Variants in RASGRF2 observed in about 807,000 individuals in gnomAD.
The protein encoded by RASGRF2 is ras-specific guanine nucleotide-releasing factor 2.
RASGRF2 carries 76 observed loss-of-function variants against 151.0 expected under a neutral mutation model. The observed-to-expected ratio is 0.50, with a 90% CI of 0.42 to 0.61. The LOEUF is 0.61. Ranked by LOEUF, RASGRF2 falls within the 20% of genes least tolerant of loss-of-function variation. RASGRF2 has a pLI of 0.00. For missense variants in RASGRF2, 1,148 were observed against 1,564.6 expected (o/e 0.73, Z 4.49); for synonymous variants, 504 against 566.5 (o/e 0.89, Z 1.57).
rs185061128 is a variant in RASGRF2 at position 81,073,632 on chromosome 5, T to A, written c.887+180T>A. Among the ~76,000 whole-genome samples the A allele has an allele frequency of 5.1e-3, 772 of 152,246 alleles. 6 individuals are homozygous for A. Among genetic ancestry groups the A allele is most frequent in the African/African-American group, 0.016 (674 of 41,554 alleles). On this transcript the variant is annotated intron_variant, in intron 5 of 26. Transcript: ENST00000265080. ...TTTATTTTATTTTATTTATTTATTTTTTTTGAGATGGAGTCTTGCTCTGTC... is the reference window on the plus strand; with the variant it reads ...TTTATTTTATTTTATTTATTTATTTATTTTGAGATGGAGTCTTGCTCTGTC...
At chr5:81,147,549 A>G (rs1754034129) in intron 17 of RASGRF2, among the ~76,000 whole-genome samples, 1 of 152,212 alleles carries the variant, frequency 6.6e-6, no homozygotes, top group Non-Finnish European at 1.5e-5. Context: ...AACTAGCCTA[A>G]CTGAAATCGA....
At position 80,989,021 on chromosome 5, in the gene RASGRF2, A is replaced by T. The variant is rs112835387; in HGVS notation, c.288+27995A>T. 8.7e-3 allele frequency among the ~76,000 whole-genome samples: 1,326 copies of T among 151,798 alleles called. 29 individuals carry two copies. The highest frequency in any genetic ancestry group is 0.031 in the African/African-American group (1,264 of 41,336). ...TAGACAGAGTCTCGCTCTGTCGCCCAGGTTGGTGTGCAGTGGTGCAATCTT... is the reference window on the plus strand; with the variant it reads ...TAGACAGAGTCTCGCTCTGTCGCCCTGGTTGGTGTGCAGTGGTGCAATCTT... On this transcript the variant is annotated intron_variant, in intron 1 of 26. Coordinates refer to ENST00000265080, the MANE Select transcript of RASGRF2 (RefSeq NM_006909.3).
chr5:81,036,188 C>G (rs1023147440), intron 1 of RASGRF2, among the ~76,000 whole-genome samples: 71 of 152,174 alleles, frequency 4.7e-4, no homozygotes, highest in African/African-American at 1.7e-3. Context: ...TACTTACCTT[C>G]ATATTTTAAA....
chr5:81,134,719 T>C lies in RASGRF2; in HGVS notation c.2686+7556T>C, dbSNP rs186814164. The stretch of plus-strand genomic sequence containing the variant: ...ATATTACTTGTAGTAGACTATACAG[T>C]AGATGAAAAACCTAAATTTGAATCT... On this transcript the variant is annotated intron_variant, in intron 17 of 26. Coordinates refer to ENST00000265080, the MANE Select transcript of RASGRF2 (RefSeq NM_006909.3). 1.5e-4 allele frequency among the ~76,000 whole-genome samples: 23 copies of C among 152,324 alleles called. No homozygotes were observed. In the East Asian group the frequency reaches 4.0e-3, roughly 27 times the overall value.
intron 5 of RASGRF2, 94 bp from the exon 6 acceptor site, chr5:81,080,027 A>G: frequency 2.1e-6 from 3 of 1,447,614 alleles, no homozygotes; most frequent in Non-Finnish European, 1.8e-6. Flanking sequence ...GGACATATAT[A>G]TTATGTATAT....
chr5:81,170,141 T>TCACCTGCAC (rs1303211714), intron 17 of RASGRF2, among the ~76,000 whole-genome samples: 51 of 145,206 alleles, frequency 3.5e-4, no homozygotes, highest in African/African-American at 1.3e-3. Flanking sequence ...ACCACCTGCA[T>TCACCTGCAC]CACCTGCACC....
intron 4 of RASGRF2, 132 bp from the exon 5 acceptor site, chr5:81,073,067 G>A (rs1205694180): frequency 1.8e-6 from 2 of 1,132,446 alleles, no homozygotes; most frequent in East Asian, 5.1e-5. Context: ...ATCATCCCTA[G>A]GGAATCCTTA....
chr5:81,107,196 CA>C (rs35987554), intron 12 of RASGRF2, among the ~76,000 whole-genome samples: 118 of 94,284 alleles, frequency 1.3e-3, no homozygotes, highest in Admixed American at 1.4e-3. Flanking sequence ...CCTGTCTCTA[CA>C]AAAAAAAAAA....
chr5:81,199,591 G>A (rs557976941), intron 18 of RASGRF2, among the ~76,000 whole-genome samples: 1 of 152,256 alleles, frequency 6.6e-6, no homozygotes, highest in South Asian at 2.1e-4. Context: ...TACTGCTTTG[G>A]TTGAAAATGG....
rs185041818 is a variant in RASGRF2 at position 81,218,415 on chromosome 5, T to C, written c.3552+942T>C. Reference sequence around the variant, plus strand: ...GGATCCAGTTTCACTCTCCTACATATGGCTTGCCAATTATCCGAGCACCAT... The same window carrying C: ...GGATCCAGTTTCACTCTCCTACATACGGCTTGCCAATTATCCGAGCACCAT... On this transcript the variant is annotated intron_variant, in intron 25 of 26. Coordinates refer to ENST00000265080, the MANE Select transcript of RASGRF2 (RefSeq NM_006909.3). 3.8e-3 allele frequency among the ~76,000 whole-genome samples: 584 copies of C among 152,374 alleles called. 11 individuals are homozygous for C. The highest frequency in any genetic ancestry group is 1.7e-3 in the Non-Finnish European group (114 of 68,036).
At chr5:81,137,924 T>C (rs1753791714) in intron 17 of RASGRF2, among the ~76,000 whole-genome samples, 1 of 152,240 alleles carries the variant, frequency 6.6e-6, no homozygotes, top group African/African-American at 2.4e-5. Context: ...TATCAGATAA[T>C]AGAGACTGAG....
At chr5:81,061,485 A>C (rs2112438461) in intron 2 of RASGRF2, among the ~76,000 whole-genome samples, 1 of 150,878 alleles carries the variant, frequency 6.6e-6, no homozygotes, top group Middle Eastern at 3.5e-3. Context: ...TTGGTAAATA[A>C]TTTGTAATTC....
In RASGRF2 at chr5:81,225,792, T is replaced by A; in HGVS notation, c.*22T>A. ...TTGAAGATCTGGCCTTGCCCCTGAG[T>A]CCACGGGATGTTCATGGAAAGCAGG... On this transcript the variant is annotated 3_prime_UTR_variant, in exon 27 of 27. Coordinates refer to ENST00000265080, the MANE Select transcript of RASGRF2 (RefSeq NM_006909.3). 6.2e-7 allele frequency: 1 copy of A among 1,606,422 alleles called. No individual in the cohort carries two copies. The highest frequency in any genetic ancestry group is 8.5e-7 in the Non-Finnish European group (1 of 1,178,090).
At chr5:81,169,407 G>C (rs530841002) in intron 17 of RASGRF2, among the ~76,000 whole-genome samples, 13 of 152,292 alleles carry the variant, frequency 8.5e-5, no homozygotes, top group Non-Finnish European at 1.6e-4. Flanking sequence ...ATACTTTCTG[G>C]AGGCTCTGGG....
At chr5:80,985,593 G>A (rs1489102229) in intron 1 of RASGRF2, among the ~76,000 whole-genome samples, 1 of 152,170 alleles carries the variant, frequency 6.6e-6, no homozygotes, top group Non-Finnish European at 1.5e-5. Context: ...AAAGAAATGT[G>A]TACTCTCTAA....
At position 81,112,775 on chromosome 5, in the gene RASGRF2, C is replaced by T. The variant is rs781535710; in HGVS notation, c.2004C>T (p.Thr668=). 1.9e-6 allele frequency: 3 copies of T among 1,614,228 alleles called. No individual in the cohort carries two copies. The South Asian group carries it at 3.3e-5, about 18-fold the overall frequency. ...SIDFLNTFLH[T]YRIFTTAAVV... ...ATTTCCTCAACACCTTTCTGCACAC[C>T]TATCGTATTTTCACTACTGCCGCTG... The change falls in exon 14 of 27, where the codon ACC becomes ACT. Residue 668 remains threonine, a synonymous_variant. Transcript: ENST00000265080.
rs774591524 is a variant in RASGRF2, at chr5:81,086,940, G to A, written c.1377G>A (p.Thr459=). The change falls in exon 9 of 27, where the codon ACG becomes ACA. Residue 459 remains threonine (T), a synonymous_variant. Coordinates refer to ENST00000265080, the MANE Select transcript of RASGRF2 (RefSeq NM_006909.3). ...ACATCTTGCTGGACACCAGCCAAAC[G>A]TTCATCCGCCAAGGTAAGTCCCTGT... ...GCDILLDTSQ[T]FIRQGSLIQV... is the part of the protein sequence containing the mutation. 3.7e-6 allele frequency: 6 copies of A among 1,613,396 alleles called. No homozygotes were observed. In the Admixed American group the frequency reaches 8.3e-5, roughly 22 times the overall value.
chr5:80,996,392 A>G (rs1748862301), intron 1 of RASGRF2, among the ~76,000 whole-genome samples: 1 of 152,096 alleles, frequency 6.6e-6, no homozygotes, highest in African/African-American at 2.4e-5. Context: ...TAGCTCAAAT[A>G]GACCTCTGAT....
chr5:80,999,134 T>C (rs1362122866), intron 1 of RASGRF2, among the ~76,000 whole-genome samples: 2 of 152,016 alleles, frequency 1.3e-5, no homozygotes, highest in Non-Finnish European at 1.5e-5. Flanking sequence ...TGCAATGGGG[T>C]TGGAGGAGGA....
Sources: allele counts gnomAD v4.1 joint callset (sites outside exome capture counted in the v4.1 genomes callset), GRCh38; gene constraint gnomAD v4.1.1; transcripts MANE v1.5; gene names NCBI Gene and HGNC (gene_info 2026-07-23, HGNC 2026-07-21).